FSTL5: variants seen among roughly 807,000 people sequenced by gnomAD.
FSTL5 encodes follistatin like 5.
Under a neutral mutation model 89.1 loss-of-function variants are expected in FSTL5, and 62 were observed. That is an observed-to-expected ratio of 0.70 (90% confidence interval 0.57 to 0.86). The LOEUF (loss-of-function observed/expected upper bound fraction) is 0.86. Among genes scored for constraint, FSTL5 ranks in the 40% least tolerant of loss-of-function variants. The pLI is 0.00. For missense variants in FSTL5, 1,057 were observed against 1,001.6 expected (o/e 1.06, Z -0.75); for synonymous variants, 383 against 346.2 (o/e 1.11, Z -1.18).
rs1201945944 is a variant in FSTL5 at position 162,042,200 on chromosome 4, A to C, written c.127-8542T>G. The C allele has an allele frequency of 1.3e-5, 2 of 152,098 alleles. 1 individual carries two copies. Among genetic ancestry groups the C allele is most frequent in the South Asian group, 4.1e-4 (2 of 4,822 alleles). The allele number at this position is 152,098 out of a possible 1,614,324, so 9.4% of individuals were successfully genotyped here. On this transcript the variant is annotated intron_variant, in intron 2 of 15. Coordinates refer to ENST00000306100, the MANE Select transcript of FSTL5 (RefSeq NM_020116.5). The stretch of plus-strand genomic sequence containing the variant: ...TATGAAGCAAATTCATGTGTGTCTA[A>C]ATTGAAAATAATGGGAAAATATATT...
At chr4:162,011,787 G>A (rs867834700) in intron 3 of FSTL5, among the ~76,000 whole-genome samples, 2 of 152,066 alleles carry the variant, frequency 1.3e-5, no homozygotes, top group African/African-American at 4.8e-5. Flanking sequence ...GTTAGCCACC[G>A]CGCCCGGCCA....
intron 15 of FSTL5, among the ~76,000 whole-genome samples, chr4:161,403,764 C>T (rs1731264860): frequency 6.6e-6 from 1 of 152,166 alleles, no homozygotes; most frequent in African/African-American, 2.4e-5. Flanking sequence ...CTACAGATTT[C>T]ACTAAATGAC....
chr4:161,399,522 T>C (rs1421067095), intron 15 of FSTL5, among the ~76,000 whole-genome samples: 1 of 152,114 alleles, frequency 6.6e-6, no homozygotes, highest in African/African-American at 2.4e-5. Context: ...ACCACATCTG[T>C]AGACCTCCAT....
At chr4:162,159,348 C>A (rs531392901) in intron 1 of FSTL5, among the ~76,000 whole-genome samples, 2 of 152,062 alleles carry the variant, frequency 1.3e-5, no homozygotes, top group Admixed American at 1.3e-4. Context: ...TATTTAAATA[C>A]AACTCAATGA....
At chr4:161,706,324 G>A (rs1348207906) in intron 6 of FSTL5, among the ~76,000 whole-genome samples, 2 of 151,130 alleles carry the variant, frequency 1.3e-5, no homozygotes, top group Non-Finnish European at 3.0e-5. Flanking sequence ...TAGGAAGGAG[G>A]GAAATGTCAT....
intron 3 of FSTL5, among the ~76,000 whole-genome samples, chr4:162,019,770 C>CTG (rs10610828): frequency 0.014 from 2,071 of 148,166 alleles, 33 homozygotes; most frequent in African/African-American, 0.038. Flanking sequence ...CTCTCTTTCT[C>CTG]TGTGTGTGTG....
At chr4:161,582,602 T>C (rs1733473137) in intron 8 of FSTL5, among the ~76,000 whole-genome samples, 1 of 152,152 alleles carries the variant, frequency 6.6e-6, no homozygotes, top group Non-Finnish European at 1.5e-5. Context: ...ACAGTACCAA[T>C]TTTAGGGCTG....
intron 1 of FSTL5, among the ~76,000 whole-genome samples, chr4:162,156,595 A>G (rs1733483499): frequency 6.6e-6 from 1 of 152,188 alleles, no homozygotes; most frequent in South Asian, 2.1e-4. Context: ...CTGTGCAGCA[A>G]TGTGGGTGCA....
chr4:161,471,267 A>G (rs574971816), intron 13 of FSTL5, among the ~76,000 whole-genome samples: 91 of 152,338 alleles, frequency 6.0e-4, no homozygotes, highest in African/African-American at 2.1e-3. Flanking sequence ...ATTATGAAAG[A>G]GTGTTAAATT....
chr4:161,410,663 T>A (rs1355982222), intron 15 of FSTL5, among the ~76,000 whole-genome samples: 2 of 151,956 alleles, frequency 1.3e-5, no homozygotes, highest in African/African-American at 4.8e-5. Flanking sequence ...ATGAAAAAAA[T>A]TTTTGAAATC....
intron 4 of FSTL5, among the ~76,000 whole-genome samples, chr4:161,900,690 A>AT (rs1287675641): frequency 2.6e-5 from 4 of 150,968 alleles, no homozygotes; most frequent in African/African-American, 4.8e-5. Context: ...GAAAAAAAAA[A>AT]GAATGGCAGA....
chr4:161,466,912 C>T (rs1330781455), intron 13 of FSTL5, among the ~76,000 whole-genome samples: 1 of 151,876 alleles, frequency 6.6e-6, no homozygotes. Flanking sequence ...AAATATTTCT[C>T]ATTTTAATAA....
At chr4:161,474,578 C>A (rs1183732901) in intron 13 of FSTL5, among the ~76,000 whole-genome samples, 1 of 149,204 alleles carries the variant, frequency 6.7e-6, no homozygotes, top group East Asian at 2.0e-4. Context: ...CGGAGTCTCG[C>A]TCTCTCGCTC....
chr4:161,558,469 A>G (rs539032443), intron 8 of FSTL5, among the ~76,000 whole-genome samples: 59 of 152,060 alleles, frequency 3.9e-4, no homozygotes, highest in African/African-American at 1.4e-3. Flanking sequence ...TTAAAGAAAC[A>G]TAATTTATAT....
intron 15 of FSTL5, among the ~76,000 whole-genome samples, chr4:161,400,327 TA>T (rs1425170586): frequency 6.6e-6 from 1 of 152,060 alleles, no homozygotes; most frequent in East Asian, 1.9e-4. Flanking sequence ...GATAGAAATA[TA>T]AAAATATATA....
intron 12 of FSTL5, among the ~76,000 whole-genome samples, chr4:161,490,734 T>C (rs1729841590): frequency 6.6e-6 from 1 of 152,192 alleles, no homozygotes; most frequent in Non-Finnish European, 1.5e-5. Flanking sequence ...TTTACAGAGA[T>C]AATTATATGT....
intron 15 of FSTL5, among the ~76,000 whole-genome samples, chr4:161,401,585 C>T (rs1044167104): frequency 6.6e-6 from 1 of 152,072 alleles, no homozygotes; most frequent in Non-Finnish European, 1.5e-5. Flanking sequence ...AGTGCAGTGG[C>T]GCGATCTCAG....
rs141318232 is a variant in FSTL5, at chr4:161,790,800, C to G, written c.410-14726G>C. On this transcript the variant is annotated intron_variant, in intron 4 of 15. Coordinates refer to ENST00000306100, the MANE Select transcript of FSTL5 (RefSeq NM_020116.5). ...AATAACATGCCCACTTATGAAGGTGCTCTTTTTATATTTCACTTTTTTCTC... is the reference window on the plus strand; with the variant it reads ...AATAACATGCCCACTTATGAAGGTGGTCTTTTTATATTTCACTTTTTTCTC... Among the ~76,000 whole-genome samples, 157 of 152,260 alleles carry G rather than the reference C, an allele frequency of 1.0e-3. 1 individual carries two copies. The highest frequency in any genetic ancestry group is 2.0e-3 in the Admixed American group (30 of 15,280).
intron 7 of FSTL5, among the ~76,000 whole-genome samples, chr4:161,610,449 A>G (rs1282826263): frequency 1.3e-5 from 2 of 152,162 alleles, no homozygotes; most frequent in African/African-American, 2.4e-5. Context: ...TAAGAAGGAA[A>G]CTGATTCTAT....
Sources: gnomAD v4.1 joint callset for allele counts (sites outside exome capture counted in the v4.1 genomes callset) on GRCh38, gnomAD v4.1.1 for gene constraint, MANE v1.5 for transcripts, NCBI Gene and HGNC (gene_info 2026-07-23, HGNC 2026-07-21) for gene names.